OSBPL10: variants seen among roughly 807,000 people sequenced by gnomAD.
The protein encoded by OSBPL10 is oxysterol binding protein like 10.
In OSBPL10, 49 loss-of-function variants were observed where a neutral mutation model predicts 81.7. The ratio of observed to expected loss-of-function variants is 0.60; its 90% CI spans 0.48 to 0.76. The LOEUF is 0.76. OSBPL10 is among the 30% of genes least tolerant of loss of function. OSBPL10 has a pLI of 0.00. For synonymous variants in OSBPL10, 419 were observed against 383.6 expected, an observed-to-expected ratio of 1.09 and a Z score of -1.08; for missense variants, 923 against 987.8, an observed-to-expected ratio of 0.93 and a Z score of 0.88.
chr3:31,815,847 T>G (rs552022649), intron 4 of OSBPL10, among the ~76,000 whole-genome samples: 1 of 152,162 alleles, frequency 6.6e-6, no homozygotes, highest in Non-Finnish European at 1.5e-5. Flanking sequence ...ATATCCAAAA[T>G]ACAATATGTT....
intron 5 of OSBPL10, among the ~76,000 whole-genome samples, chr3:31,745,299 T>TA (rs1697486175): frequency 6.6e-6 from 1 of 152,158 alleles, no homozygotes; most frequent in South Asian, 2.1e-4. Flanking sequence ...TCAAAAGAAA[T>TA]ACACACTGAA....
chr3:31,824,353 T>G (rs1700052042), intron 4 of OSBPL10, among the ~76,000 whole-genome samples: 1 of 152,154 alleles, frequency 6.6e-6, no homozygotes, highest in Non-Finnish European at 1.5e-5. Flanking sequence ...TCTTTGCAAT[T>G]TAACCTAAAT....
chr3:31,832,826 T>C (rs928732651), intron 3 of OSBPL10, among the ~76,000 whole-genome samples: 4 of 152,176 alleles, frequency 2.6e-5, no homozygotes, highest in African/African-American at 9.7e-5. Flanking sequence ...CCCAACAGTC[T>C]GGATACCCTA....
chr3:31,733,139 A>G lies in OSBPL10; in HGVS notation c.1095+118T>C. On this transcript the variant is annotated intron_variant, in intron 6 of 11. Coordinates refer to ENST00000396556, the MANE Select transcript of OSBPL10 (RefSeq NM_017784.5). The stretch of plus-strand genomic sequence containing the variant: ...TTTTGTCTCTCCAGGCAATTCTTCC[A>G]TTTTTTAATTTGTCTCCTCTTAAAA... 6 of 1,417,034 alleles carry G rather than the reference A, an allele frequency of 4.2e-6. No homozygotes were observed. The East Asian group carries it at 9.6e-5, about 23-fold the overall frequency. The allele number at this position is 1,417,034 out of a possible 1,614,324, so 87.8% of individuals were successfully genotyped here.
intron 1 of OSBPL10, among the ~76,000 whole-genome samples, chr3:31,916,406 C>G (rs1483132938): frequency 6.6e-6 from 1 of 152,078 alleles, no homozygotes; most frequent in African/African-American, 2.4e-5. Flanking sequence ...TGAGTGGCCA[C>G]CCCACTGCCT....
At chr3:31,979,523 A>C (rs1698771406) in intron 1 of OSBPL10, among the ~76,000 whole-genome samples, 2 of 152,308 alleles carry the variant, frequency 1.3e-5, no homozygotes, top group East Asian at 3.9e-4. Context: ...TCCATGCAGC[A>C]GAGATAAGCA....
chr3:31,737,340 A>T (rs371948013), intron 5 of OSBPL10, among the ~76,000 whole-genome samples: 115 of 152,278 alleles, frequency 7.6e-4, no homozygotes, highest in African/African-American at 2.6e-3. Context: ...GAGCTTGGGG[A>T]AAAAATATTC....
intron 10 of OSBPL10, chr3:31,664,757 G>C (rs1700149223): frequency 5.7e-6 from 1 of 174,814 alleles, no homozygotes; most frequent in African/African-American, 2.4e-5. Flanking sequence ...CCTGGAATTA[G>C]GGGTTAGAGG....
At chr3:31,760,971 A>G (rs1698018688) in intron 4 of OSBPL10, among the ~76,000 whole-genome samples, 1 of 151,612 alleles carries the variant, frequency 6.6e-6, no homozygotes, top group Non-Finnish European at 1.5e-5. Context: ...GGAACTGCTA[A>G]GTTTTTTTTT....
At chr3:32,025,984 G>A (rs981711039) in intron 2 of OSBPL10, among the ~76,000 whole-genome samples, 1 of 150,138 alleles carries the variant, frequency 6.7e-6, no homozygotes, top group Admixed American at 6.6e-5. Flanking sequence ...GGCTAAACAT[G>A]ATATATGGAG....
chr3:31,883,019 C>T (rs957266224), intron 1 of OSBPL10, among the ~76,000 whole-genome samples: 6 of 152,144 alleles, frequency 3.9e-5, no homozygotes, highest in African/African-American at 1.4e-4. Flanking sequence ...TATTTAAGTG[C>T]TGACTGCCTT....
At chr3:31,848,055 G>A (rs750587638) in intron 3 of OSBPL10, among the ~76,000 whole-genome samples, 5 of 152,086 alleles carry the variant, frequency 3.3e-5, no homozygotes, top group Non-Finnish European at 7.4e-5. Flanking sequence ...CGGAGAGCAG[G>A]GACCCTGGGA....
At chr3:31,795,405 A>G (rs1699179050) in intron 4 of OSBPL10, 1 of 156,992 alleles carries the variant, frequency 6.4e-6, no homozygotes, top group Non-Finnish European at 1.4e-5. Flanking sequence ...TCAGCCTCCC[A>G]AAGTTGCTGG....
intron 3 of OSBPL10, among the ~76,000 whole-genome samples, chr3:31,846,953 G>T (rs897893040): frequency 6.6e-6 from 1 of 152,002 alleles, no homozygotes; most frequent in Non-Finnish European, 1.5e-5. Flanking sequence ...TGTTTGTACG[G>T]ACTTTTCTCT....
rs567085807 is a variant in OSBPL10 at position 32,037,492 on chromosome 3, A to T, written n.298+8999T>A. Reference sequence around the variant, plus strand: ...TAGCAAGACCCCCATTTCTAAAAAAATTTTTTTTTTCAATTTTTTTAACGA... The same window carrying T: ...TAGCAAGACCCCCATTTCTAAAAAATTTTTTTTTTTCAATTTTTTTAACGA... On this transcript the variant is annotated intron_variant and non_coding_transcript_variant, in intron 2 of 3. Coordinates refer to the OSBPL10 transcript ENST00000479173. 8.4e-4 allele frequency: 153 copies of T among 183,178 alleles called. 1 individual carries two copies. The highest frequency in any genetic ancestry group is 3.0e-3 in the African/African-American group (127 of 41,690). 11.3% of individuals were successfully genotyped at this position (183,178 alleles called of 1,614,324 possible). A position where few individuals can be genotyped will look rare whatever the true frequency, so the allele number is the denominator to read the frequency against.
rs1385284583 is a variant in OSBPL10, at chr3:31,896,058, GA to G, written c.282-16229del. On this transcript the variant is annotated intron_variant, in intron 1 of 11. Coordinates refer to ENST00000396556, the MANE Select transcript of OSBPL10 (RefSeq NM_017784.5). ...GTATATTCTACATGTCTTAATTTATGATAATTAAAAACAATGCCACATTAAT... is the reference window on the plus strand; with the variant it reads ...GTATATTCTACATGTCTTAATTTATGTAATTAAAAACAATGCCACATTAAT... Among the ~76,000 whole-genome samples the G allele has an allele frequency of 2.0e-5, 3 of 151,924 alleles. No individual in the cohort carries two copies. The East Asian group carries it at 5.8e-4, about 29-fold the overall frequency.
chr3:31,716,215 T>C (rs781294376), intron 6 of OSBPL10, among the ~76,000 whole-genome samples: 5 of 152,212 alleles, frequency 3.3e-5, no homozygotes, highest in Non-Finnish European at 7.3e-5. Flanking sequence ...ATCCTTTTAA[T>C]TGAAATATAG....
intron 1 of OSBPL10, among the ~76,000 whole-genome samples, chr3:31,979,660 C>G (rs1174655712): frequency 6.6e-6 from 1 of 152,116 alleles, no homozygotes; most frequent in Non-Finnish European, 1.5e-5. Flanking sequence ...GCATTGTTCT[C>G]CTCGCACTGA....
At chr3:31,723,208 G>T (rs772511771) in intron 6 of OSBPL10, among the ~76,000 whole-genome samples, 4 of 152,180 alleles carry the variant, frequency 2.6e-5, no homozygotes, top group Non-Finnish European at 5.9e-5. Context: ...GATGGTGAAT[G>T]ACAGAGAAAA....
Sources: allele counts gnomAD v4.1 joint callset (sites outside exome capture counted in the v4.1 genomes callset), GRCh38; gene constraint gnomAD v4.1.1; transcripts MANE v1.5; gene names NCBI Gene and HGNC (gene_info 2026-07-23, HGNC 2026-07-21).